Variants in SGPP1 observed in about 807,000 individuals in gnomAD.
The protein encoded by SGPP1 is sphingosine-1-phosphate phosphatase 1.
In SGPP1, 21 loss-of-function variants were observed where a neutral mutation model predicts 33.0. The observed-to-expected ratio is 0.64, with a 90% CI of 0.45 to 0.92. SGPP1 has a LOEUF of 0.92. Ranked by LOEUF, SGPP1 falls within the 40% of genes least tolerant of loss-of-function variation. The pLI is 0.00. For missense variants in SGPP1, 543 were observed against 589.4 expected (o/e 0.92, Z 0.81); for synonymous variants, 239 against 241.2 (o/e 0.99, Z 0.08).
At chr14:63,724,616 TAAAAAAAAAAA>T (rs34386504) in intron 1 of SGPP1, among the ~76,000 whole-genome samples, 274 of 85,002 alleles carry the variant, frequency 3.2e-3, no homozygotes, top group Non-Finnish European at 5.0e-3. Flanking sequence ...CAAGGATCTT[TAAAAAAAAAAA>T]AAAAAAAAAA....
intron 2 of SGPP1, among the ~76,000 whole-genome samples, chr14:63,687,687 A>G (rs1241334885): frequency 1.3e-5 from 2 of 152,184 alleles, no homozygotes; most frequent in African/African-American, 4.8e-5. Context: ...TAGGCTAGGT[A>G]AGAGAGTAGA....
At chr14:63,701,810 G>T (rs183867038) in intron 1 of SGPP1, among the ~76,000 whole-genome samples, 6 of 151,866 alleles carry the variant, frequency 4.0e-5, no homozygotes, top group East Asian at 3.9e-4. Flanking sequence ...AAGGCTGTTG[G>T]TATAATCTAG....
intron 1 of SGPP1, among the ~76,000 whole-genome samples, chr14:63,707,645 C>G (rs1009449219): frequency 6.6e-6 from 1 of 151,852 alleles, no homozygotes; most frequent in African/African-American, 2.4e-5. Flanking sequence ...AAGCAATTCT[C>G]CTGCTGGTCA....
At chr14:63,692,104 GAAT>G (rs1885103870) in intron 2 of SGPP1, among the ~76,000 whole-genome samples, 3 of 152,126 alleles carry the variant, frequency 2.0e-5, no homozygotes, top group South Asian at 2.1e-4. Flanking sequence ...CATTTTTGGA[GAAT>G]AATAACTTTC....
At chr14:63,702,030 T>C (rs1396929332) in intron 1 of SGPP1, among the ~76,000 whole-genome samples, 1 of 150,258 alleles carries the variant, frequency 6.7e-6, no homozygotes, top group Admixed American at 6.6e-5. Flanking sequence ...AGTAGAAATG[T>C]ACAAAATTAC....
At chr14:63,710,934 TATA>T (rs1885507693) in intron 1 of SGPP1, among the ~76,000 whole-genome samples, 1 of 152,150 alleles carries the variant, frequency 6.6e-6, no homozygotes, top group Admixed American at 6.6e-5. Context: ...TACTAAGACC[TATA>T]ATAATCATAA....
intron 2 of SGPP1, among the ~76,000 whole-genome samples, chr14:63,688,635 G>A (rs1236328144): frequency 6.6e-6 from 1 of 151,452 alleles, no homozygotes; most frequent in Non-Finnish European, 1.5e-5. Flanking sequence ...CCTCACCTCT[G>A]ATTTTTCTCT....
At position 63,686,197 on chromosome 14, in the gene SGPP1, C is replaced by G. The variant is rs1293235834; in HGVS notation, c.1234G>C (p.Glu412Gln). The change falls in exon 3 of 3, where the codon GAA (glutamate) becomes CAA (glutamine). Residue 412 changes from glutamate to glutamine, a missense_variant. Physicochemically the swap from Glu to Gln is conservative, Grantham distance 29. Coordinates refer to ENST00000247225, the MANE Select transcript of SGPP1 (RefSeq NM_030791.4). ...TAGGTAATATACCGATAAGGAAGTT[C>G]AACTTCCATGTGCTGTCTTGCTTTT... ...IRKARQHMEV[E>Q]LPYRYITYGM... The G allele has an allele frequency of 1.2e-6, 2 of 1,613,466 alleles. No homozygotes were observed. Among genetic ancestry groups the G allele is most frequent in the African/African-American group, 2.7e-5 (2 of 74,900 alleles).
Position 63,727,768 on chromosome 14 carries a change from C to T in SGPP1, c.177G>A (p.Gln59=), listed in dbSNP as rs1254207307. 1 of 1,494,912 alleles carries T rather than the reference C, an allele frequency of 6.7e-7. No homozygotes were observed. The highest frequency in any genetic ancestry group is 8.9e-7 in the Non-Finnish European group (1 of 1,128,790). 92.6% of individuals were successfully genotyped at this position (1,494,912 alleles called of 1,614,324 possible). A position where few individuals can be genotyped will look rare whatever the true frequency, so the allele number is the denominator to read the frequency against. ...GCTGGGGGCCTCCAGGCGCCCCTGG[C>T]TGCCGCCCTCGCAGTCGAGGGTCTC... ...LAGDPRLRGR[Q]PGAPGGPQPP... is the part of the protein sequence containing the mutation. The change falls in exon 1 of 3, where the codon CAG becomes CAA. Residue 59 remains glutamine (Q), a synonymous_variant. Coordinates refer to ENST00000247225, the MANE Select transcript of SGPP1 (RefSeq NM_030791.4).
chr14:63,689,895 G>C (rs1885058204), intron 2 of SGPP1, among the ~76,000 whole-genome samples: 1 of 151,986 alleles, frequency 6.6e-6, no homozygotes, highest in Non-Finnish European at 1.5e-5. Context: ...TTAACATTAA[G>C]ATTCATTCAT....
At chr14:63,687,898 A>C (rs756282782) in intron 2 of SGPP1, among the ~76,000 whole-genome samples, 6 of 152,062 alleles carry the variant, frequency 3.9e-5, no homozygotes, top group Non-Finnish European at 8.8e-5. Context: ...AGGCGGGTGG[A>C]TCACCTGAGG....
chr14:63,709,297 C>A (rs1035565131), intron 1 of SGPP1, among the ~76,000 whole-genome samples: 3 of 151,850 alleles, frequency 2.0e-5, no homozygotes, highest in African/African-American at 7.3e-5. Flanking sequence ...TCGCTTGAAC[C>A]CAGGCGGCAG....
chr14:63,699,706 A>G (rs151212002), intron 1 of SGPP1, among the ~76,000 whole-genome samples: 77 of 151,160 alleles, frequency 5.1e-4, no homozygotes, highest in African/African-American at 1.7e-3. Context: ...CCTCCTGAGT[A>G]GCTGGAACTA....
intron 1 of SGPP1, 64 bp downstream of exon 1, chr14:63,727,197 G>T: frequency 6.6e-7 from 1 of 1,510,696 alleles, no homozygotes. Context: ...TAAATGCAGA[G>T]AGCAAAGAGA....
intron 1 of SGPP1, among the ~76,000 whole-genome samples, chr14:63,704,584 T>C (rs2139641438): frequency 6.6e-6 from 1 of 152,280 alleles, no homozygotes; most frequent in African/African-American, 2.4e-5. Context: ...GTGTAGTGAC[T>C]CACACCTGTA....
At chr14:63,716,784 C>A (rs1336158113) in intron 1 of SGPP1, among the ~76,000 whole-genome samples, 9 of 151,878 alleles carry the variant, frequency 5.9e-5, no homozygotes, top group Admixed American at 1.3e-4. Flanking sequence ...ACCTCTGCCT[C>A]CTGGGTTCAA....
chr14:63,689,783 C>T (rs1885056116), intron 2 of SGPP1, among the ~76,000 whole-genome samples: 1 of 142,688 alleles, frequency 7.0e-6, no homozygotes, highest in African/African-American at 2.6e-5. Context: ...GGTGACAGAG[C>T]AAGACTCTGT....
At chr14:63,688,315 C>CAAAAAAAAAA (rs71120275) in intron 2 of SGPP1, among the ~76,000 whole-genome samples, 1 of 31,416 alleles carries the variant, frequency 3.2e-5, no homozygotes, top group African/African-American at 9.9e-5. Flanking sequence ...GACTCTGTCT[C>CAAAAAAAAAA]AAAAAAAAAA....
At chr14:63,699,142 A>G (rs986041380) in intron 1 of SGPP1, among the ~76,000 whole-genome samples, 4 of 152,224 alleles carry the variant, frequency 2.6e-5, no homozygotes, top group Admixed American at 1.3e-4. Context: ...CCTTGCATTC[A>G]GTATTCAACA....
Sources: allele counts gnomAD v4.1 joint callset (sites outside exome capture counted in the v4.1 genomes callset), GRCh38; gene constraint gnomAD v4.1.1; transcripts MANE v1.5; gene names NCBI Gene and HGNC (gene_info 2026-07-23, HGNC 2026-07-21).